The following SCGB2B2 variants were observed in gnomAD, a reference collection of about 807,000 sequenced individuals.
SCGB2B2 encodes the protein secretoglobin family 2B member 2, also known as secretoglobin-like protein.
In SCGB2B2, 11 loss-of-function variants were observed where a neutral mutation model predicts 7.6. The ratio of observed to expected loss-of-function variants is 1.45; its 90% CI spans 0.91 to 2.40. SCGB2B2 has a LOEUF of 2.40. Among genes scored for constraint, SCGB2B2 ranks in the 30% most tolerant of loss-of-function variants. The probability of loss-of-function intolerance (pLI) is 0.00; values close to 1 mark genes in which losing one functional copy is unlikely to be tolerated. For synonymous variants in SCGB2B2, 50 were observed against 48.6 expected (o/e 1.03, Z -0.12); for missense variants, 104 against 115.4 (o/e 0.90, Z 0.45).
chr19:34,592,398 A>T lies in SCGB2B2; in HGVS notation c.*1157T>A, dbSNP rs1405346165. On this transcript the variant is annotated 3_prime_UTR_variant, in exon 4 of 4. Transcript: ENST00000601241. ...TCCCATGGAAGGGGAGTGAGGCTGG[A>T]GGCAGGGAGACTCAGAGGGATGGAG... is the stretch of plus-strand genomic sequence containing the variant. 6.6e-6 allele frequency among the ~76,000 whole-genome samples: 1 copy of T among 151,862 alleles called. No individual in the cohort carries two copies. Among genetic ancestry groups the T allele is most frequent in the Non-Finnish European group, 1.5e-5 (1 of 67,942 alleles).
At chr19:34,593,902 G>A (rs1360085056) in intron 3 of SCGB2B2, among the ~76,000 whole-genome samples, 1 of 152,164 alleles carries the variant, frequency 6.6e-6, no homozygotes, top group Non-Finnish European at 1.5e-5. Flanking sequence ...CTTTGGTGCA[G>A]TGATTGTGGT....
At chr19:34,658,760 C>G (rs911786035) in intron 1 of SCGB2B2, among the ~76,000 whole-genome samples, 82 of 145,576 alleles carry the variant, frequency 5.6e-4, no homozygotes, top group African/African-American at 2.1e-3. Flanking sequence ...ATGAGGCCAG[C>G]ATCATCCTGA....
intron 1 of SCGB2B2, among the ~76,000 whole-genome samples, chr19:34,644,382 G>C (rs1433066849): frequency 6.8e-6 from 1 of 146,094 alleles, no homozygotes. Context: ...TTTTACTCTG[G>C]TAAAATATAC....
chr19:34,629,114 G>A lies in SCGB2B2; in HGVS notation c.-2031-32520C>T, dbSNP rs1221701596. 2.6e-5 allele frequency among the ~76,000 whole-genome samples: 4 copies of A among 151,710 alleles called. No individual in the cohort carries two copies. In the East Asian group the frequency reaches 5.8e-4, roughly 22 times the overall value. On this transcript the variant is annotated intron_variant, in intron 1 of 3. Coordinates refer to ENST00000601241, the MANE Select transcript of SCGB2B2 (RefSeq NM_001025591.4). ...TCAATAAACTAGGTATTGATGGGAT[G>A]TATCTCAAAATAATAAGAGCTATTT...
At chr19:34,659,041 C>G (rs2067372017) in intron 1 of SCGB2B2, among the ~76,000 whole-genome samples, 2 of 152,198 alleles carry the variant, frequency 1.3e-5, no homozygotes, top group South Asian at 4.1e-4. Flanking sequence ...ACAAAAACCA[C>G]ATGATTATCT....
intron 1 of SCGB2B2, among the ~76,000 whole-genome samples, chr19:34,668,607 C>T (rs1325310831): frequency 1.3e-5 from 2 of 152,240 alleles, no homozygotes; most frequent in Admixed American, 6.5e-5. Context: ...CACCTGGGCT[C>T]CTGAGTCTGG....
intron 1 of SCGB2B2, among the ~76,000 whole-genome samples, chr19:34,668,919 G>T (rs994629098): frequency 8.5e-5 from 13 of 152,176 alleles, no homozygotes; most frequent in Non-Finnish European, 7.3e-5. Context: ...AGATAAGAGA[G>T]TAAAAGCAGG....
At chr19:34,652,594 G>A (rs940464096) in intron 1 of SCGB2B2, among the ~76,000 whole-genome samples, 1 of 151,048 alleles carries the variant, frequency 6.6e-6, no homozygotes, top group Non-Finnish European at 1.5e-5. Flanking sequence ...ACACCAACAG[G>A]TATTTTTAAA....
At chr19:34,635,180 A>G in intron 1 of SCGB2B2, 1 of 298,738 alleles carries the variant, frequency 3.3e-6, no homozygotes, top group Non-Finnish European at 6.9e-6. Context: ...CTGCATTCAT[A>G]AGGCCTGGCT....
chr19:34,669,134 C>A (rs2067728987), intron 1 of SCGB2B2, among the ~76,000 whole-genome samples: 1 of 152,120 alleles, frequency 6.6e-6, no homozygotes, highest in Non-Finnish European at 1.5e-5. Context: ...ACTAACAACT[C>A]CAGACGCGCC....
chr19:34,661,616 T>C (rs1470037274), intron 1 of SCGB2B2, among the ~76,000 whole-genome samples: 1 of 152,074 alleles, frequency 6.6e-6, no homozygotes, highest in Non-Finnish European at 1.5e-5. Context: ...ACCAGCGACA[T>C]GAAATAGGGA....
At chr19:34,597,502 C>T (rs1408304979) in intron 1 of SCGB2B2, among the ~76,000 whole-genome samples, 1 of 152,184 alleles carries the variant, frequency 6.6e-6, no homozygotes, top group African/African-American at 2.4e-5. Flanking sequence ...TCAGCCTCAC[C>T]TGGGACTCTG....
intron 1 of SCGB2B2, among the ~76,000 whole-genome samples, chr19:34,605,904 T>A (rs1364648299): frequency 2.0e-5 from 3 of 152,138 alleles, no homozygotes; most frequent in Non-Finnish European, 4.4e-5. Flanking sequence ...AATCTTAAAA[T>A]TTTAAAGGTA....
intron 1 of SCGB2B2, chr19:34,632,014 T>C (rs1176500032): frequency 1.3e-5 from 2 of 152,114 alleles, no homozygotes; most frequent in African/African-American, 4.8e-5. Context: ...TCACTGAAGA[T>C]CGTGTTTTAA....
rs548360711 is a variant in SCGB2B2, at chr19:34,599,878, A to G, written c.-2031-3284T>C. Among the ~76,000 whole-genome samples, 12 of 152,210 alleles carry G rather than the reference A, an allele frequency of 7.9e-5. 1 individual carries two copies. The South Asian group carries it at 2.3e-3, about 29-fold the overall frequency. ...TCTAATCATCTTTTTATTGTGACAT[A>G]GAACACAAGTATGGAGACGTACACA... is the stretch of plus-strand genomic sequence containing the variant. On this transcript the variant is annotated intron_variant, in intron 1 of 3. Transcript: ENST00000601241.
intron 1 of SCGB2B2, among the ~76,000 whole-genome samples, chr19:34,659,101 A>G (rs1166697479): frequency 6.6e-6 from 1 of 152,224 alleles, no homozygotes; most frequent in East Asian, 1.9e-4. Context: ...CTTTCATCCT[A>G]AAAACTCTCA....
At chr19:34,668,488 T>C (rs1355382541) in intron 1 of SCGB2B2, among the ~76,000 whole-genome samples, 4 of 152,082 alleles carry the variant, frequency 2.6e-5, no homozygotes, top group East Asian at 3.9e-4. Context: ...CCCTGCTCCA[T>C]AGCGCCCAGT....
chr19:34,636,177 C>T (rs2066672233), intron 1 of SCGB2B2, among the ~76,000 whole-genome samples: 2 of 152,206 alleles, frequency 1.3e-5, no homozygotes, highest in Non-Finnish European at 2.9e-5. Flanking sequence ...GTGGGATCTA[C>T]TGGGTTCATT....
At chr19:34,649,828 C>T (rs1316715421) in intron 1 of SCGB2B2, among the ~76,000 whole-genome samples, 2 of 151,220 alleles carry the variant, frequency 1.3e-5, no homozygotes, top group African/African-American at 4.9e-5. Context: ...CCTGATCCCA[C>T]TGCCCTCTTC....
Sources: allele counts gnomAD v4.1 joint callset (sites outside exome capture counted in the v4.1 genomes callset), GRCh38; gene constraint gnomAD v4.1.1; transcripts MANE v1.5; gene names NCBI Gene and HGNC (gene_info 2026-07-23, HGNC 2026-07-21).